WDFY3: variants seen among roughly 807,000 people sequenced by gnomAD.
The protein encoded by WDFY3 is WD repeat and FYVE domain-containing protein 3.
In WDFY3, 66 loss-of-function variants were observed where a neutral mutation model predicts 409.6. That is an observed-to-expected ratio of 0.16 (90% CI 0.13 to 0.20). WDFY3 has a LOEUF of 0.20. WDFY3 is among the 10% of genes least tolerant of loss of function. The pLI, the probability that WDFY3 is intolerant of heterozygous loss-of-function variation, is 1.00. For missense variants in WDFY3, 3,031 were observed against 4,298.1 expected (o/e 0.71, Z 8.24); for synonymous variants, 1,521 against 1,537.1 (o/e 0.99, Z 0.25).
At chr4:84,842,287 G>A (rs1049923353) in intron 5 of WDFY3, among the ~76,000 whole-genome samples, 3 of 152,050 alleles carry the variant, frequency 2.0e-5, no homozygotes, top group Non-Finnish European at 4.4e-5. Context: ...GACCAGCCTG[G>A]CCAACATGGA....
At chr4:84,914,449 A>C (rs11737191) in intron 2 of WDFY3, among the ~76,000 whole-genome samples, 37,072 of 152,060 alleles carry the variant, frequency 0.24, 9,048 homozygotes, top group African/African-American at 0.63. Flanking sequence ...CAAAACAAAA[A>C]AAAATAGGTT....
chr4:84,770,316 C>A (rs1187215582), intron 30 of WDFY3, among the ~76,000 whole-genome samples: 2 of 152,150 alleles, frequency 1.3e-5, no homozygotes, highest in Non-Finnish European at 2.9e-5. Context: ...GTGTGAGCCA[C>A]CGCGCCCGGC....
intron 5 of WDFY3, among the ~76,000 whole-genome samples, chr4:84,842,490 GAAGT>G (rs1167677356): frequency 6.5e-5 from 9 of 138,308 alleles, no homozygotes; most frequent in African/African-American, 1.9e-4. Flanking sequence ...AAAAAAAAAA[GAAGT>G]AAGTCTAATT....
At chr4:84,785,803 T>C (rs1229522896) in intron 24 of WDFY3, among the ~76,000 whole-genome samples, 176 bp downstream of exon 24, 1 of 152,188 alleles carries the variant, frequency 6.6e-6, no homozygotes, top group African/African-American at 2.4e-5. Context: ...CCAAATTAAG[T>C]TACATATCTA....
intron 41 of WDFY3, among the ~76,000 whole-genome samples, 191 bp downstream of exon 41, chr4:84,736,993 C>T (rs950091748): frequency 2.2e-5 from 3 of 134,244 alleles, no homozygotes; most frequent in Non-Finnish European, 3.1e-5. Context: ...ACCTCAGATG[C>T]TAAAAAAAAA....
At chr4:84,857,644 C>T (rs1010435723) in intron 4 of WDFY3, among the ~76,000 whole-genome samples, 7 of 152,142 alleles carry the variant, frequency 4.6e-5, no homozygotes, top group African/African-American at 1.7e-4. Context: ...GGGCTTAAAA[C>T]AATGGCTTGT....
chr4:84,749,179 C>T (rs1406222629), intron 36 of WDFY3, among the ~76,000 whole-genome samples: 1 of 152,112 alleles, frequency 6.6e-6, no homozygotes. Flanking sequence ...CATGAGCCAC[C>T]ATGCTCAACC....
chr4:84,696,169 T>A lies in WDFY3; in HGVS notation c.8702A>T (p.Asp2901Val). The A allele has an allele frequency of 3.1e-6, 5 of 1,614,122 alleles. No homozygotes were observed. Among genetic ancestry groups the A allele is most frequent in the Non-Finnish European group, 3.4e-6 (4 of 1,179,994 alleles). The change falls in exon 58 of 68, where the codon GAT becomes GTT. Residue 2901 changes from aspartate (D) to valine (V), a missense_variant. Coordinates refer to ENST00000295888, the MANE Select transcript of WDFY3 (RefSeq NM_014991.6). ...CTCATGTAGATGGGCACTCACGTAATCACACTCCAAAGCCTGTAATTTCAA... is the reference window on the plus strand; with the variant it reads ...CTCATGTAGATGGGCACTCACGTAAACACACTCCAAAGCCTGTAATTTCAA... ...IRVHREALEC[D>V]YVSAHLHEWI...
intron 36 of WDFY3, chr4:84,751,272 G>A: frequency 1.7e-6 from 1 of 596,036 alleles, no homozygotes; most frequent in South Asian, 2.0e-5. Flanking sequence ...ATAAAGGACT[G>A]AATTAGAGAC....
intron 3 of WDFY3, among the ~76,000 whole-genome samples, chr4:84,865,403 T>A (rs184650535): frequency 3.9e-5 from 6 of 152,226 alleles, no homozygotes; most frequent in African/African-American, 1.4e-4. Context: ...CTTTTAGCCT[T>A]CAGTGTTTGT....
chr4:84,951,986 G>A (rs1282194205), intron 1 of WDFY3, among the ~76,000 whole-genome samples: 1 of 152,094 alleles, frequency 6.6e-6, no homozygotes, highest in Non-Finnish European at 1.5e-5. Context: ...CACAGAGAAA[G>A]AAAAATCAGC....
In WDFY3 at chr4:84,735,112, C is replaced by T. The variant is rs1006952003; in HGVS notation, c.6924G>A (p.Ser2308=). The part of the protein sequence containing the change: ...NKHSLSTQEI[S]QWMFTHIAVV... The stretch of plus-strand genomic sequence containing the variant: ...CAGCAATGTGAGTAAACATCCACTG[C>T]GAAATCTCCTAACAATGGATGGAAA... The change falls in exon 43 of 68, where the codon TCG becomes TCA. Residue 2308 remains serine, a synonymous_variant. Transcript: ENST00000295888. The T allele has an allele frequency of 2.2e-5, 35 of 1,612,028 alleles. No individual in the cohort carries two copies. The highest frequency in any genetic ancestry group is 4.0e-5 in the African/African-American group (3 of 74,830).
At chr4:84,799,432 A>T (rs891464645) in intron 17 of WDFY3, among the ~76,000 whole-genome samples, 7 of 151,678 alleles carry the variant, frequency 4.6e-5, no homozygotes, top group Admixed American at 3.3e-4. Flanking sequence ...TTGGCCTCCC[A>T]AAGTGTTGGG....
chr4:84,888,341 A>G (rs1414666629), intron 3 of WDFY3, among the ~76,000 whole-genome samples: 5 of 152,224 alleles, frequency 3.3e-5, no homozygotes, highest in African/African-American at 4.8e-5. Flanking sequence ...GAAGTTCCAG[A>G]TTATAGTAAA....
chr4:84,820,754 C>G (rs753919232), intron 11 of WDFY3, among the ~76,000 whole-genome samples: 1 of 151,972 alleles, frequency 6.6e-6, no homozygotes, highest in Non-Finnish European at 1.5e-5. Context: ...AATAACAAAT[C>G]TGATTATTTT....
chr4:84,714,801 T>C (rs1733560204), intron 50 of WDFY3, among the ~76,000 whole-genome samples: 1 of 151,794 alleles, frequency 6.6e-6, no homozygotes, highest in Admixed American at 6.6e-5. Context: ...ATACAAAAAA[T>C]AAGCCGGGGA....
intron 50 of WDFY3, 111 bp from the exon 51 acceptor site, chr4:84,713,350 C>T: frequency 2.2e-6 from 2 of 896,400 alleles, no homozygotes; most frequent in Non-Finnish European, 3.6e-6. Context: ...TCTACCCTCC[C>T]ATAACCCACT....
intron 58 of WDFY3, among the ~76,000 whole-genome samples, chr4:84,695,133 C>T (rs1183701740): frequency 6.6e-6 from 1 of 152,066 alleles, no homozygotes; most frequent in Non-Finnish European, 1.5e-5. Context: ...CTGGTGCACC[C>T]AGCCCTCCTG....
chr4:84,892,969 A>G lies in WDFY3; in HGVS notation c.-32+3942T>C, dbSNP rs192129443. Reference sequence around the variant, plus strand: ...GCAATCCCTAAGAATTTCTAGGGGAATAAAATTCCAGGCTAAGGAACAAGT... The same window carrying G: ...GCAATCCCTAAGAATTTCTAGGGGAGTAAAATTCCAGGCTAAGGAACAAGT... On this transcript the variant is annotated intron_variant, in intron 3 of 67. Transcript: ENST00000295888. 2.6e-3 allele frequency among the ~76,000 whole-genome samples: 392 copies of G among 152,330 alleles called. 5 individuals carry two copies. Among genetic ancestry groups the G allele is most frequent in the Non-Finnish European group, 2.0e-3 (137 of 68,034 alleles).
Sources: allele counts gnomAD v4.1 joint callset (sites outside exome capture counted in the v4.1 genomes callset), GRCh38; gene constraint gnomAD v4.1.1; transcripts MANE v1.5; gene names NCBI Gene and HGNC (gene_info 2026-07-23, HGNC 2026-07-21).